CNDP1: variants seen among roughly 807,000 people sequenced by gnomAD.
CNDP1 encodes the protein beta-Ala-His dipeptidase.
CNDP1 carries 44 observed loss-of-function variants against 58.1 expected under a neutral mutation model. The observed-to-expected ratio is 0.76, with a 90% CI of 0.60 to 0.97. The LOEUF (loss-of-function observed/expected upper bound fraction) is 0.97, where lower values mean the gene tolerates loss of function less well. Among genes scored for constraint, CNDP1 ranks in the 50% least tolerant of loss-of-function variants. The pLI, the probability that CNDP1 is intolerant of heterozygous loss-of-function variation, is 0.00. For missense variants in CNDP1, 616 were observed against 655.1 expected, an observed-to-expected ratio of 0.94 and a Z score of 0.65; for synonymous variants, 254 against 252.6, an observed-to-expected ratio of 1.01 and a Z score of -0.05.
chr18:74,566,220 T>C (rs1323151926), intron 5 of CNDP1, among the ~76,000 whole-genome samples: 1 of 152,224 alleles, frequency 6.6e-6, no homozygotes, highest in African/African-American at 2.4e-5. Flanking sequence ...CCTCCAGGCC[T>C]GTGATGGGTG....
chr18:74,582,363 T>C, intron 10 of CNDP1, among the ~76,000 whole-genome samples: 1 of 152,214 alleles, frequency 6.6e-6, no homozygotes, highest in Admixed American at 6.5e-5. Context: ...GCATGTCCGG[T>C]AAGCTAGAAG....
chr18:74,562,238 C>G, intron 5 of CNDP1, 103 bp downstream of exon 5: 1 of 954,410 alleles, frequency 1.0e-6, no homozygotes, highest in Non-Finnish European at 1.7e-6. Context: ...AGGTCACTTA[C>G]TCGCCCCAAC....
intron 1 of CNDP1, among the ~76,000 whole-genome samples, chr18:74,551,099 G>A (rs917766805): frequency 4.6e-5 from 7 of 151,944 alleles, no homozygotes; most frequent in Admixed American, 2.0e-4. Flanking sequence ...TAAAGTGTGT[G>A]GCACCTCCCC....
At chr18:74,558,912 G>A (rs190520296) in intron 2 of CNDP1, among the ~76,000 whole-genome samples, 32 of 152,206 alleles carry the variant, frequency 2.1e-4, no homozygotes, top group African/African-American at 7.7e-4. Flanking sequence ...GTTCAGTCAC[G>A]GCTTGGAGGC....
intron 1 of CNDP1, among the ~76,000 whole-genome samples, chr18:74,540,664 G>A (rs140996755): frequency 3.3e-4 from 51 of 152,338 alleles, no homozygotes; most frequent in Non-Finnish European, 5.6e-4. Context: ...ATCCCAGGCA[G>A]TCTCTTGACC....
intron 7 of CNDP1, among the ~76,000 whole-genome samples, chr18:74,572,349 C>T (rs568663364): frequency 4.9e-4 from 74 of 152,150 alleles, no homozygotes; most frequent in African/African-American, 1.7e-3. Context: ...TACAGGAGCT[C>T]CTTCCACAGT....
At chr18:74,581,857 C>A (rs1435845863) in intron 10 of CNDP1, among the ~76,000 whole-genome samples, 1 of 152,254 alleles carries the variant, frequency 6.6e-6, no homozygotes, top group Non-Finnish European at 1.5e-5. Flanking sequence ...CAGTGGCATG[C>A]ATTTAGGTAG....
In CNDP1 at chr18:74,556,361, G is replaced by A. The variant is rs752433352; in HGVS notation, c.48G>A (p.Leu16=). 25 of 1,612,124 alleles carry A rather than the reference G, an allele frequency of 1.6e-5. No homozygotes were observed. The South Asian group carries it at 2.6e-4, about 17-fold the overall frequency. ...GRMAASLLAV[L]LLLLERGMFS... is the part of the protein sequence containing the mutation. ...AGGCTGCGTCCCTGCTGGCTGTGCTGCTGCTGCTGCTGGAGCGCGGCATGT... is the reference window on the plus strand; with the variant it reads ...AGGCTGCGTCCCTGCTGGCTGTGCTACTGCTGCTGCTGGAGCGCGGCATGT... The change falls in exon 2 of 12, where the codon CTG becomes CTA. Residue 16 remains leucine, a synonymous_variant. Transcript: ENST00000358821.
chr18:74,583,930 C>T (rs1208511193), intron 11 of CNDP1: 7 of 532,730 alleles, frequency 1.3e-5, no homozygotes, highest in Non-Finnish European at 2.0e-5. Flanking sequence ...GTCTTCCTGG[C>T]CGTCCCTGCG....
chr18:74,542,068 A>G (rs1019619883), intron 1 of CNDP1, among the ~76,000 whole-genome samples: 2 of 152,202 alleles, frequency 1.3e-5, no homozygotes, highest in African/African-American at 2.4e-5. Flanking sequence ...CCCAGAGTGC[A>G]TGGCGCTCAG....
At position 74,538,825 on chromosome 18, in the gene CNDP1, T is replaced by C. The variant is rs541871332; in HGVS notation, c.24+4134T>C. Among the ~76,000 whole-genome samples the C allele has an allele frequency of 7.2e-5, 11 of 152,334 alleles. No homozygotes were observed. The South Asian group carries it at 2.3e-3, about 32-fold the overall frequency. On this transcript the variant is annotated intron_variant, in intron 1 of 11. Coordinates refer to ENST00000358821, the MANE Select transcript of CNDP1 (RefSeq NM_032649.6). ...TCATTCACTTCTTGGCCAAAAGATC[T>C]ACCATTTTAACCATGACCCTCCACC...
intron 1 of CNDP1, among the ~76,000 whole-genome samples, chr18:74,538,392 C>A (rs1980535465): frequency 6.6e-6 from 1 of 152,192 alleles, no homozygotes; most frequent in Non-Finnish European, 1.5e-5. Context: ...CCAAATAATA[C>A]TCCATTGTGT....
At chr18:74,565,324 CA>C (rs1352624303) in intron 5 of CNDP1, among the ~76,000 whole-genome samples, 3 of 152,144 alleles carry the variant, frequency 2.0e-5, no homozygotes, top group African/African-American at 7.2e-5. Context: ...ATTTCAAAAC[CA>C]GCCATAATTT....
intron 7 of CNDP1, among the ~76,000 whole-genome samples, chr18:74,572,677 A>G (rs1451631158): frequency 6.6e-6 from 1 of 151,244 alleles, no homozygotes; most frequent in Non-Finnish European, 1.5e-5. Flanking sequence ...AGTCCCAGCT[A>G]TTTAAGGGGC....
intron 2 of CNDP1, among the ~76,000 whole-genome samples, chr18:74,557,950 A>T (rs935070930): frequency 3.3e-5 from 5 of 152,042 alleles, no homozygotes; most frequent in Non-Finnish European, 5.9e-5. Context: ...TGTGGTGGGG[A>T]TTTAATCCTG....
In CNDP1 at chr18:74,545,112, T is replaced by G. The variant is rs1402634860; in HGVS notation, c.24+10421T>G. On this transcript the variant is annotated intron_variant, in intron 1 of 11. Transcript: ENST00000358821. This position sits in a 1 kb window ranked among gnomAD's most constrained non-coding sequence, Gnocchi z 4.1. The stretch of plus-strand genomic sequence containing the variant: ...AGCCCTGCCAACACGTGATTTAGGT[T>G]TCTGGCCTCTAAAACTGTGGGAGAA... Among the ~76,000 whole-genome samples the G allele has an allele frequency of 6.6e-6, 1 of 152,176 alleles. No homozygotes were observed. The highest frequency in any genetic ancestry group is 1.5e-5 in the Non-Finnish European group (1 of 68,014).
chr18:74,573,476 T>A (rs1338328732), intron 7 of CNDP1, among the ~76,000 whole-genome samples: 1 of 145,356 alleles, frequency 6.9e-6, no homozygotes, highest in Non-Finnish European at 1.5e-5. Flanking sequence ...ATCTATCTAA[T>A]CTATCTATTC....
chr18:74,565,625 C>T (rs117387139), intron 5 of CNDP1, among the ~76,000 whole-genome samples: 167 of 152,308 alleles, frequency 1.1e-3, no homozygotes, highest in Admixed American at 2.2e-3. Context: ...GTCTCATGTC[C>T]AGGTTACACT....
At chr18:74,541,773 G>A (rs1980630679) in intron 1 of CNDP1, among the ~76,000 whole-genome samples, 1 of 152,142 alleles carries the variant, frequency 6.6e-6, no homozygotes, top group South Asian at 2.1e-4. Context: ...ATGCCCCAGT[G>A]TTCCAATTCT....
Sources: allele counts gnomAD v4.1 joint callset (sites outside exome capture counted in the v4.1 genomes callset), GRCh38; gene constraint gnomAD v4.1.1; non-coding constraint Gnocchi (gnomAD v3.1); transcripts MANE v1.5; gene names NCBI Gene and HGNC (gene_info 2026-07-23, HGNC 2026-07-21).